The following ST3GAL4 variants were observed in gnomAD, a reference collection of about 807,000 sequenced individuals.
ST3GAL4 encodes CMP-N-acetylneuraminate-beta-galactosamide-alpha-2,3-sialyltransferase 4.
A neutral mutation model predicts 42.6 loss-of-function variants in ST3GAL4; 24 were observed. That is an observed-to-expected ratio of 0.56 (90% CI 0.41 to 0.79). The LOEUF (loss-of-function observed/expected upper bound fraction) is 0.79. Ranked by LOEUF, ST3GAL4 falls within the 30% of genes least tolerant of loss-of-function variation. The probability of loss-of-function intolerance (pLI) is 0.00; values close to 1 mark genes in which losing one functional copy is unlikely to be tolerated. For synonymous variants in ST3GAL4, 135 were observed against 163.2 expected (o/e 0.83, Z 1.32); for missense variants, 311 against 430.8 (o/e 0.72, Z 2.46).
At chr11:126,394,011 G>A (rs1162019733) in intron 1 of ST3GAL4, among the ~76,000 whole-genome samples, 1 of 152,200 alleles carries the variant, frequency 6.6e-6, no homozygotes, top group African/African-American at 2.4e-5. Context: ...GTGTGGACTG[G>A]CCCCATTGCA....
chr11:126,412,392 C>G (rs1954571520), intron 9 of ST3GAL4, among the ~76,000 whole-genome samples: 1 of 152,194 alleles, frequency 6.6e-6, no homozygotes, highest in South Asian at 2.1e-4. Flanking sequence ...GTATGGGCAG[C>G]TGAAATTGTG....
intron 1 of ST3GAL4, among the ~76,000 whole-genome samples, chr11:126,389,501 C>T (rs1565410357): frequency 6.6e-6 from 1 of 152,206 alleles, no homozygotes; most frequent in African/African-American, 2.4e-5. Context: ...TGTTTATACA[C>T]ATAAATAATG....
intron 1 of ST3GAL4, among the ~76,000 whole-genome samples, chr11:126,360,126 C>T (rs942734634): frequency 6.6e-6 from 1 of 152,236 alleles, no homozygotes; most frequent in Non-Finnish European, 1.5e-5. Context: ...AGCTCCGCAC[C>T]GGCAGCCCTC....
In ST3GAL4 at chr11:126,378,658, C is replaced by T. The variant is rs903795443; in HGVS notation, c.-61+22816C>T. Among the ~76,000 whole-genome samples the T allele has an allele frequency of 2.0e-5, 3 of 152,326 alleles. No homozygotes were observed. Among genetic ancestry groups the T allele is most frequent in the East Asian group, 1.9e-4 (1 of 5,190 alleles). ...TCCTGACCTCGTGATCCACCCTCCT[C>T]GGCCCCCCAAAGGGATGACTGGTTT... On this transcript the variant is annotated intron_variant, in intron 1 of 10. Coordinates refer to ENST00000444328, the MANE Select transcript of ST3GAL4 (RefSeq NM_001254757.2). The surrounding 1 kb of genome is among the most constrained non-coding windows in gnomAD (Gnocchi z 5.3).
At chr11:126,368,758 T>G (rs1952526637) in intron 1 of ST3GAL4, among the ~76,000 whole-genome samples, 1 of 152,246 alleles carries the variant, frequency 6.6e-6, no homozygotes, top group Non-Finnish European at 1.5e-5. Flanking sequence ...CTCTGCCAGC[T>G]TCCCCTGGGG....
At position 126,371,547 on chromosome 11, in the gene ST3GAL4, T is replaced by C. The variant is rs144123286; in HGVS notation, c.-61+15705T>C. On this transcript the variant is annotated intron_variant, in intron 1 of 10. Transcript: ENST00000444328. Reference sequence around the variant, plus strand: ...GTTTTCTGATTCATCCTTTATCTATTTGCAACACTTTAAAAAGTTAATGTT... The same window carrying C: ...GTTTTCTGATTCATCCTTTATCTATCTGCAACACTTTAAAAAGTTAATGTT... Among the ~76,000 whole-genome samples, 20 of 152,346 alleles carry C rather than the reference T, an allele frequency of 1.3e-4. 1 individual carries two copies. In the East Asian group the frequency reaches 3.9e-3, roughly 29 times the overall value.
chr11:126,387,282 G>A (rs1053424145), intron 1 of ST3GAL4, among the ~76,000 whole-genome samples: 1 of 152,162 alleles, frequency 6.6e-6, no homozygotes, highest in Non-Finnish European at 1.5e-5. Flanking sequence ...AGTGATGGTT[G>A]GTCCAGAATT....
intron 6 of ST3GAL4, 143 bp from the exon 7 acceptor site, chr11:126,407,956 G>A (rs1225978081): frequency 6.4e-6 from 6 of 943,874 alleles, no homozygotes; most frequent in South Asian, 4.9e-5. Context: ...CCCTAAGCAG[G>A]ACCACGGGGT....
rs760910226 is a variant in ST3GAL4 at position 126,407,038 on chromosome 11, A to T, written c.182+15A>T. The T allele has an allele frequency of 2.7e-5, 44 of 1,612,124 alleles. No homozygotes were observed. Among genetic ancestry groups the T allele is most frequent in the Non-Finnish European group, 3.4e-5 (40 of 1,178,408 alleles). The stretch of plus-strand genomic sequence containing the variant: ...CTCTTTGGCAAGTAAGTACTTAAGG[A>T]TGAGGAGGGTAGAGCAGGGCATGGA... On this transcript the variant is annotated intron_variant, in intron 4 of 10. Coordinates refer to ENST00000444328, the MANE Select transcript of ST3GAL4 (RefSeq NM_001254757.2).
In ST3GAL4 at chr11:126,379,779, G is replaced by T. The variant is rs1439136056; in HGVS notation, c.-61+23937G>T. Among the ~76,000 whole-genome samples the T allele has an allele frequency of 6.6e-6, 1 of 151,988 alleles. No homozygotes were observed. The highest frequency in any genetic ancestry group is 1.5e-5 in the Non-Finnish European group (1 of 67,988). On this transcript the variant is annotated intron_variant, in intron 1 of 10. Transcript: ENST00000444328. The surrounding 1 kb of genome is among the most constrained non-coding windows in gnomAD (Gnocchi z 4.2). The stretch of plus-strand genomic sequence containing the variant: ...AGGCATGAGCCACCACACCCGGCCT[G>T]TTATCCTTAATTTTAAATCACATGT...
intron 1 of ST3GAL4, among the ~76,000 whole-genome samples, chr11:126,371,152 T>A (rs1565397178): frequency 7.0e-6 from 1 of 143,242 alleles, no homozygotes; most frequent in East Asian, 2.0e-4. Context: ...ATTCTATTCT[T>A]CCCCACATTC....
rs1953843763 is a variant in ST3GAL4, at chr11:126,397,864, C to T, written c.-60-8232C>T. On this transcript the variant is annotated intron_variant, in intron 1 of 10. Transcript: ENST00000444328. This position sits in a 1 kb window ranked among gnomAD's most constrained non-coding sequence, Gnocchi z 5.0. ...ATGGCATTAAACCCATTCATGAGAACAGAGCCCTTGACCCATTCATGAGAA... is the reference window on the plus strand; with the variant it reads ...ATGGCATTAAACCCATTCATGAGAATAGAGCCCTTGACCCATTCATGAGAA... 6.6e-6 allele frequency among the ~76,000 whole-genome samples: 1 copy of T among 152,136 alleles called. No individual in the cohort carries two copies. The highest frequency in any genetic ancestry group is 2.4e-5 in the African/African-American group (1 of 41,424).
At chr11:126,388,224 A>T (rs145325983) in intron 1 of ST3GAL4, among the ~76,000 whole-genome samples, 1 of 152,274 alleles carries the variant, frequency 6.6e-6, no homozygotes, top group Non-Finnish European at 1.5e-5. Flanking sequence ...TGCTGTCTCC[A>T]TCACGCTGGA....
chr11:126,383,012 G>A lies in ST3GAL4; in HGVS notation c.-60-23084G>A, dbSNP rs966184737. On this transcript the variant is annotated intron_variant, in intron 1 of 10. Coordinates refer to ENST00000444328, the MANE Select transcript of ST3GAL4 (RefSeq NM_001254757.2). The surrounding 1 kb of genome is among the most constrained non-coding windows in gnomAD (Gnocchi z 4.5). ...CTGGGACTGGGCACAGGTGCAGAGA[G>A]GCTGAGACAGGCCCAGAGGACAGTG... Among the ~76,000 whole-genome samples the A allele has an allele frequency of 6.6e-6, 1 of 152,256 alleles. No homozygotes were observed. The highest frequency in any genetic ancestry group is 2.4e-5 in the African/African-American group (1 of 41,474).
At position 126,363,792 on chromosome 11, in the gene ST3GAL4, AAC is replaced by A. The variant is rs1297958678; in HGVS notation, c.-61+7954_-61+7955del. Among the ~76,000 whole-genome samples, 1 of 152,156 alleles carries A rather than the reference AAC, an allele frequency of 6.6e-6. No homozygotes were observed. Among genetic ancestry groups the A allele is most frequent in the African/African-American group, 2.4e-5 (1 of 41,440 alleles). On this transcript the variant is annotated intron_variant, in intron 1 of 10. Coordinates refer to ENST00000444328, the MANE Select transcript of ST3GAL4 (RefSeq NM_001254757.2). This position sits in a 1 kb window ranked among gnomAD's most constrained non-coding sequence, Gnocchi z 4.6. Reference sequence around the variant, plus strand: ...GCTGCTCGAATGAGGGGAGTTGGCCAACACAGTTTTCTACTCTCAGACCCCAT... The same window carrying A: ...GCTGCTCGAATGAGGGGAGTTGGCCAACAGTTTTCTACTCTCAGACCCCAT...
chr11:126,402,025 CATTG>C (rs1236004691), intron 1 of ST3GAL4, among the ~76,000 whole-genome samples: 6 of 145,290 alleles, frequency 4.1e-5, no homozygotes, highest in African/African-American at 1.3e-4. Flanking sequence ...AAAGAGGAGT[CATTG>C]ATTGGGAACT....
intron 1 of ST3GAL4, among the ~76,000 whole-genome samples, chr11:126,365,467 ATT>A (rs1164981607): frequency 6.6e-6 from 1 of 152,102 alleles, no homozygotes; most frequent in Non-Finnish European, 1.5e-5. Context: ...CCTTCAGTTG[ATT>A]TAGTGTCTCT....
At chr11:126,371,171 T>C (rs2135408002) in intron 1 of ST3GAL4, among the ~76,000 whole-genome samples, 1 of 108,882 alleles carries the variant, frequency 9.2e-6, no homozygotes, top group South Asian at 3.6e-4. Flanking sequence ...TCCTTTTTTT[T>C]TTTTTTTTTT....
intron 1 of ST3GAL4, among the ~76,000 whole-genome samples, chr11:126,370,811 G>A (rs546072202): frequency 1.8e-4 from 28 of 151,944 alleles, no homozygotes; most frequent in African/African-American, 6.8e-4. Context: ...CGATTTGCTG[G>A]GACTACAGAC....
Sources: allele counts gnomAD v4.1 joint callset (sites outside exome capture counted in the v4.1 genomes callset), GRCh38; gene constraint gnomAD v4.1.1; non-coding constraint Gnocchi (gnomAD v3.1); transcripts MANE v1.5; gene names NCBI Gene and HGNC (gene_info 2026-07-23, HGNC 2026-07-21).